Variants in HIGD1C observed in about 807,000 individuals in gnomAD.
HIGD1C encodes HIG1 hypoxia inducible domain family member 1C, also known as HIG1 domain family member 1C.
HIGD1C carries 11 observed loss-of-function variants against 13.1 expected under a neutral mutation model. The observed-to-expected ratio is 0.84, with a 90% CI of 0.53 to 1.39. The LOEUF is 1.39. HIGD1C is among the 40% of genes most tolerant of loss of function. HIGD1C has a pLI of 0.00. For synonymous variants in HIGD1C, 36 were observed against 37.7 expected, an observed-to-expected ratio of 0.95 and a Z score of 0.17; for missense variants, 110 against 112.0, an observed-to-expected ratio of 0.98 and a Z score of 0.08.
rs528808193 is a variant in HIGD1C, at chr12:50,959,173, G to A, written c.95-1795G>A. 4.8e-4 allele frequency among the ~76,000 whole-genome samples: 73 copies of A among 152,032 alleles called. No individual in the cohort carries two copies. In the South Asian group the frequency reaches 5.6e-3, roughly 12 times the overall value. On this transcript the variant is annotated intron_variant, in intron 1 of 2. Transcript: ENST00000398455. Reference sequence around the variant, plus strand: ...TTGCTCTTGTTGCCCAGGCAAGAGTGCAATGGTGCAATCTCAGCTCACTGC... The same window carrying A: ...TTGCTCTTGTTGCCCAGGCAAGAGTACAATGGTGCAATCTCAGCTCACTGC...
chr12:50,954,331 T>G (rs1437017623), intron 1 of HIGD1C: 5 of 403,888 alleles, frequency 1.2e-5, no homozygotes, highest in Admixed American at 4.1e-5. Context: ...TCATTAGAAG[T>G]CTACCTAAAA....
intron 2 of HIGD1C, among the ~76,000 whole-genome samples, chr12:50,967,544 G>C (rs1364098792): frequency 1.3e-5 from 2 of 152,072 alleles, no homozygotes; most frequent in African/African-American, 4.8e-5. Context: ...CCAAAGTGCT[G>C]GGATGACAGG....
intron 2 of HIGD1C, among the ~76,000 whole-genome samples, chr12:50,963,968 CT>C (rs1939444827): frequency 6.6e-6 from 1 of 152,130 alleles, no homozygotes; most frequent in Admixed American, 6.5e-5. Context: ...CAAAAGCATG[CT>C]AGTTATCTCC....
intron 2 of HIGD1C, among the ~76,000 whole-genome samples, chr12:50,966,976 G>A (rs1939563233): frequency 6.6e-6 from 1 of 152,076 alleles, no homozygotes; most frequent in Admixed American, 6.6e-5. Context: ...AATTAGCCAG[G>A]CATGGTGGCA....
rs12322274 is a variant in HIGD1C at position 50,962,215 on chromosome 12, A to G, written c.229+1113A>G. 8.7e-3 allele frequency among the ~76,000 whole-genome samples: 1,290 copies of G among 148,744 alleles called. 19 individuals are homozygous for G. The highest frequency in any genetic ancestry group is 0.029 in the African/African-American group (1,191 of 40,428). On this transcript the variant is annotated intron_variant, in intron 2 of 2. Coordinates refer to ENST00000398455, the Ensembl canonical transcript of HIGD1C. ...AGCCTGGCCAACATGGCAAAACCCCATCTCTACTAAAAAAATTACACACAC... is the reference window on the plus strand; with the variant it reads ...AGCCTGGCCAACATGGCAAAACCCCGTCTCTACTAAAAAAATTACACACAC...
chr12:50,943,819 T>C, the HIGD1C span, among the ~76,000 whole-genome samples: 2 of 152,302 alleles, frequency 1.3e-5, no homozygotes, highest in Non-Finnish European at 2.9e-5. Flanking sequence ...TACTCATTTG[T>C]CTCTCCTACT....
intron 1 of HIGD1C, among the ~76,000 whole-genome samples, chr12:50,957,411 C>T (rs945051185): frequency 6.6e-6 from 1 of 151,490 alleles, no homozygotes; most frequent in Non-Finnish European, 1.5e-5. Context: ...GTTGACCAGG[C>T]TGGTCTCAAA....
intron 1 of HIGD1C, among the ~76,000 whole-genome samples, chr12:50,959,710 T>C (rs1300101391): frequency 2.6e-5 from 4 of 151,936 alleles, no homozygotes; most frequent in Non-Finnish European, 5.9e-5. Context: ...TGCAGTAGCA[T>C]TATCTCAGCT....
chr12:50,957,115 T>A (rs889171543), intron 1 of HIGD1C, among the ~76,000 whole-genome samples: 2 of 152,126 alleles, frequency 1.3e-5, no homozygotes, highest in Admixed American at 6.6e-5. Context: ...ATTAAATGGA[T>A]CATGAAAGAA....
chr12:50,947,689 G>A, the HIGD1C span, among the ~76,000 whole-genome samples: 1 of 152,164 alleles, frequency 6.6e-6, no homozygotes, highest in East Asian at 1.9e-4. Flanking sequence ...ACATTTCTGG[G>A]AGTGGTGAAG....
downstream of HIGD1C, chr12:50,970,617 C>A: frequency 1.5e-6 from 1 of 664,090 alleles, no homozygotes; most frequent in South Asian, 1.8e-5. Flanking sequence ...ACAGAATGCT[C>A]ATAGCCTTTG....
At chr12:50,944,545 C>T in the HIGD1C span, among the ~76,000 whole-genome samples, 25 of 152,254 alleles carry the variant, frequency 1.6e-4, no homozygotes, top group African/African-American at 5.5e-4. Flanking sequence ...TTTACCTTCC[C>T]CTCAAGTTAC....
the HIGD1C span, among the ~76,000 whole-genome samples, chr12:50,938,980 C>G: frequency 1.3e-5 from 2 of 152,088 alleles, no homozygotes; most frequent in African/African-American, 4.8e-5. Flanking sequence ...AGCAATTTTC[C>G]TGGGGTACAA....
the HIGD1C span, among the ~76,000 whole-genome samples, chr12:50,944,877 A>T: frequency 6.6e-6 from 1 of 152,262 alleles, no homozygotes; most frequent in East Asian, 1.9e-4. Context: ...ACAGAGCAAG[A>T]CTCTGTCTCA....
At chr12:50,934,486 T>C in the HIGD1C span, among the ~76,000 whole-genome samples, 23,473 of 152,286 alleles carry the variant, frequency 0.15, 1,990 homozygotes, top group South Asian at 0.27. Context: ...GTGTCTACTG[T>C]GTGCTCTGCT....
At chr12:50,964,422 T>C (rs1026366792) in intron 2 of HIGD1C, among the ~76,000 whole-genome samples, 1 of 152,224 alleles carries the variant, frequency 6.6e-6, no homozygotes, top group African/African-American at 2.4e-5. Context: ...TTTTCCATTG[T>C]CTTTAATCAC....
chr12:50,940,169 A>G, the HIGD1C span: 2 of 152,200 alleles, frequency 1.3e-5, no homozygotes, highest in African/African-American at 4.8e-5. Flanking sequence ...ACTTGCTTCA[A>G]TTGCTACAAA....
At chr12:50,952,058 AATT>A (rs1203759600), upstream of HIGD1C, among the ~76,000 whole-genome samples, 2 of 116,476 alleles carry the variant, frequency 1.7e-5, no homozygotes, top group East Asian at 4.5e-4. Context: ...CTAGACCAGA[AATT>A]TTTTTTTTTT....
At chr12:50,943,420 T>C in the HIGD1C span, among the ~76,000 whole-genome samples, 10 of 152,264 alleles carry the variant, frequency 6.6e-5, no homozygotes, top group Non-Finnish European at 5.9e-5. Context: ...TTCTTAATTC[T>C]GCAGTTTAGG....
Sources: allele counts gnomAD v4.1 joint callset (sites outside exome capture counted in the v4.1 genomes callset), GRCh38; gene constraint gnomAD v4.1.1; transcripts MANE v1.5; gene names NCBI Gene and HGNC (gene_info 2026-07-23, HGNC 2026-07-21).